Variants in TRERF1 observed in about 807,000 individuals in gnomAD.
The protein encoded by TRERF1 is transcriptional-regulating factor 1.
Under a neutral mutation model 122.9 loss-of-function variants are expected in TRERF1, and 27 were observed. That is an observed-to-expected ratio of 0.22 (90% CI 0.16 to 0.30). The LOEUF (loss-of-function observed/expected upper bound fraction) is 0.30, where lower values mean the gene tolerates loss of function less well. TRERF1 is among the 10% of genes least tolerant of loss of function. The probability of loss-of-function intolerance (pLI) is 1.00; values close to 1 mark genes in which losing one functional copy is unlikely to be tolerated. For synonymous variants in TRERF1, 636 were observed against 641.7 expected (o/e 0.99, Z 0.13); for missense variants, 1,248 against 1,560.3 (o/e 0.80, Z 3.37).
intron 2 of TRERF1, among the ~76,000 whole-genome samples, chr6:42,426,225 C>A (rs1003364034): frequency 2.6e-5 from 4 of 152,122 alleles, no homozygotes; most frequent in African/African-American, 9.7e-5. Flanking sequence ...TACTACACAC[C>A]GGGCACATGA....
chr6:42,417,681 T>C (rs529490679), intron 2 of TRERF1, among the ~76,000 whole-genome samples: 79 of 152,318 alleles, frequency 5.2e-4, no homozygotes, highest in African/African-American at 1.9e-3. Context: ...AGGGGCCAGA[T>C]AAACCTGGAA....
At position 42,268,459 on chromosome 6, in the gene TRERF1, A is replaced by T. The variant is rs45457399; in HGVS notation, c.1132T>A (p.Tyr378Asn). The T allele has an allele frequency of 8.2e-5, 131 of 1,591,734 alleles. No homozygotes were observed. The highest frequency in any genetic ancestry group is 1.1e-4 in the Non-Finnish European group (128 of 1,167,408). The change falls in exon 5 of 18, where the codon TAC becomes AAC. Residue 378 changes from tyrosine to asparagine, a missense_variant. Around this residue, in one of 5 missense-constraint regions of TRERF1, gnomAD observed 946 missense variants for 1,073.0 expected, o/e 0.88. Transcript: ENST00000372922. The surrounding 1 kb of genome is among the most constrained non-coding windows in gnomAD (Gnocchi z 4.4). ...TAGGGCTGCTGGGGCTCCTGGTAGT[A>T]GTACTGGGACATGGAGCCCAGGGGA...
rs11295004 is a variant in TRERF1 at position 42,430,894 on chromosome 6, C to CA, written c.-454+20282dup. On this transcript the variant is annotated intron_variant, in intron 2 of 17. Transcript: ENST00000372922. ...CTGGAGACAGAGCAAGACTCCATCTCAAAAAAAAAAAAAAAAATTAGCCGG... is the reference window on the plus strand; with the variant it reads ...CTGGAGACAGAGCAAGACTCCATCTCAAAAAAAAAAAAAAAAAATTAGCCGG... Among the ~76,000 whole-genome samples the CA allele has an allele frequency of 2.7e-3, 329 of 122,356 alleles. 3 individuals are homozygous for CA. The highest frequency in any genetic ancestry group is 9.5e-3 in the African/African-American group (304 of 32,016). 80.3% of individuals were successfully genotyped at this position (122,356 alleles called of 152,430 possible). A position where few individuals can be genotyped will look rare whatever the true frequency, so the allele number is the denominator to read the frequency against.
Position 42,268,913 on chromosome 6 carries a change from G to A in TRERF1, c.678C>T (p.His226=). Residue 226 remains histidine, a synonymous_variant, in exon 5 of 18, where the codon CAC becomes CAT. Transcript: ENST00000372922. This position sits in a 1 kb window ranked among gnomAD's most constrained non-coding sequence, Gnocchi z 4.4. The stretch of plus-strand genomic sequence containing the variant: ...CATAATACAGGTGCCCTTGGGTAGG[G>A]TGCTGCCCGACCTGAAGAGCTGGTT... 6.2e-7 allele frequency: 1 copy of A among 1,613,100 alleles called. No individual in the cohort carries two copies. The highest frequency in any genetic ancestry group is 8.5e-7 in the Non-Finnish European group (1 of 1,179,230).
chr6:42,287,311 A>G (rs72856385), intron 4 of TRERF1, among the ~76,000 whole-genome samples: 3,893 of 151,196 alleles, frequency 0.026, 53 homozygotes, highest in Non-Finnish European at 0.035. Flanking sequence ...AAAAAAGAAA[A>G]GGATGGGGAA....
intron 3 of TRERF1, among the ~76,000 whole-genome samples, chr6:42,341,375 C>A (rs1767274072): frequency 1.3e-5 from 2 of 152,218 alleles, no homozygotes; most frequent in Admixed American, 1.3e-4. Flanking sequence ...ACTCAAGAAT[C>A]ACATTCAACT....
intron 3 of TRERF1, among the ~76,000 whole-genome samples, chr6:42,305,022 C>T (rs1786920493): frequency 6.6e-6 from 1 of 152,186 alleles, no homozygotes; most frequent in African/African-American, 2.4e-5. Flanking sequence ...AGAACAGCTA[C>T]TATATCCCAT....
rs11376682 is a variant in TRERF1 at position 42,256,130 on chromosome 6, TAAAAAAAAA to T, written c.2580+589_2580+597del. 3.6e-5 allele frequency among the ~76,000 whole-genome samples: 4 copies of T among 112,638 alleles called. No individual in the cohort carries two copies. In the Admixed American group the frequency reaches 3.8e-4, roughly 11 times the overall value. 73.9% of individuals were successfully genotyped at this position (112,638 alleles called of 152,430 possible). A position where few individuals can be genotyped will look rare whatever the true frequency, so the allele number is the denominator to read the frequency against. ...TGGGCGATAGAGTGAGACTCCATCT[TAAAAAAAAA>T]AAAAAAAAAAAAGGAAGTCCAGGTT... On this transcript the variant is annotated intron_variant, in intron 12 of 17. Transcript: ENST00000372922.
chr6:42,434,136 G>A (rs1784897533), intron 2 of TRERF1, among the ~76,000 whole-genome samples: 1 of 152,060 alleles, frequency 6.6e-6, no homozygotes, highest in Non-Finnish European at 1.5e-5. Context: ...AATACATAAA[G>A]GCACAGAAAA....
chr6:42,298,405 C>G (rs1293781845), intron 4 of TRERF1, among the ~76,000 whole-genome samples: 1 of 151,840 alleles, frequency 6.6e-6, no homozygotes, highest in Non-Finnish European at 1.5e-5. Flanking sequence ...ATCCACCCAC[C>G]AAGGCCTCCC....
intron 2 of TRERF1, among the ~76,000 whole-genome samples, chr6:42,429,422 G>A (rs535997164): frequency 6.6e-6 from 1 of 152,164 alleles, no homozygotes; most frequent in Non-Finnish European, 1.5e-5. Context: ...ACCACGGAGG[G>A]GGGGAAATGG....
chr6:42,306,764 C>G (rs1447493489), intron 3 of TRERF1, among the ~76,000 whole-genome samples: 1 of 152,244 alleles, frequency 6.6e-6, no homozygotes, highest in Non-Finnish European at 1.5e-5. Context: ...GTCTCCATCC[C>G]TCTGAAATTT....
At chr6:42,319,507 C>T (rs1399947037) in intron 3 of TRERF1, among the ~76,000 whole-genome samples, 1 of 152,166 alleles carries the variant, frequency 6.6e-6, no homozygotes, top group Non-Finnish European at 1.5e-5. Flanking sequence ...CTAACCAATA[C>T]AAGCTTTTAA....
chr6:42,315,808 C>A (rs1316230355), intron 3 of TRERF1, among the ~76,000 whole-genome samples: 2 of 150,784 alleles, frequency 1.3e-5, no homozygotes, highest in Non-Finnish European at 2.9e-5. Flanking sequence ...AGGTTGGGAC[C>A]AGTGTGCAGA....
At chr6:42,285,825 G>A (rs373238667) in intron 4 of TRERF1, among the ~76,000 whole-genome samples, 12,044 of 151,242 alleles carry the variant, frequency 0.08, 553 homozygotes, top group African/African-American at 0.11. Flanking sequence ...AAAAGAGCCC[G>A]CATCGCCAAG....
At chr6:42,379,868 G>C (rs1775607865) in intron 2 of TRERF1, among the ~76,000 whole-genome samples, 1 of 152,220 alleles carries the variant, frequency 6.6e-6, no homozygotes, top group Non-Finnish European at 1.5e-5. Context: ...AGGTTCTGGG[G>C]ACAGAGTAGT....
chr6:42,382,417 T>TAAAAAAA (rs58580368), intron 2 of TRERF1, among the ~76,000 whole-genome samples: 1 of 133,658 alleles, frequency 7.5e-6, no homozygotes, highest in Non-Finnish European at 1.6e-5. Flanking sequence ...AAGACGTGAT[T>TAAAAAAA]AAAAAAAAAA....
intron 3 of TRERF1, among the ~76,000 whole-genome samples, chr6:42,306,381 G>A (rs1264675512): frequency 1.3e-5 from 2 of 152,118 alleles, no homozygotes; most frequent in Non-Finnish European, 2.9e-5. Flanking sequence ...CTGGAGGAAG[G>A]GGATCCTGCC....
At chr6:42,233,689 TA>T (rs1442218076) in intron 16 of TRERF1, among the ~76,000 whole-genome samples, 1 of 152,096 alleles carries the variant, frequency 6.6e-6, no homozygotes, top group Non-Finnish European at 1.5e-5. Flanking sequence ...CAGGTCTTAC[TA>T]AAAAAACTCA....
Sources: allele counts gnomAD v4.1 joint callset (sites outside exome capture counted in the v4.1 genomes callset), GRCh38; gene constraint gnomAD v4.1.1; regional missense constraint gnomAD v4.1.1; non-coding constraint Gnocchi (gnomAD v3.1); transcripts MANE v1.5; gene names NCBI Gene and HGNC (gene_info 2026-07-23, HGNC 2026-07-21).